PTPRG: variants seen among roughly 807,000 people sequenced by gnomAD.
The protein encoded by PTPRG is protein tyrosine phosphatase receptor type G.
A neutral mutation model predicts 165.3 loss-of-function variants in PTPRG; 102 were observed. That is an observed-to-expected ratio of 0.62 (90% CI 0.53 to 0.73). The LOEUF (loss-of-function observed/expected upper bound fraction) is 0.73, where lower values mean the gene tolerates loss of function less well. PTPRG is among the 30% of genes least tolerant of loss of function. PTPRG has a pLI of 0.00. For missense variants in PTPRG, 1,866 were observed against 1,861.4 expected, an observed-to-expected ratio of 1.00 and a Z score of -0.05; for synonymous variants, 675 against 669.5, an observed-to-expected ratio of 1.01 and a Z score of -0.13.
chr3:62,232,447 T>G (rs938699085), intron 14 of PTPRG, among the ~76,000 whole-genome samples: 2 of 152,220 alleles, frequency 1.3e-5, no homozygotes, highest in African/African-American at 4.8e-5. Context: ...CTGTATAGTT[T>G]TGGAGTCAAA....
At position 62,091,217 on chromosome 3, in the gene PTPRG, G is replaced by A. The variant is rs372601648; in HGVS notation, c.615+12959G>A. 3.3e-5 allele frequency among the ~76,000 whole-genome samples: 5 copies of A among 152,316 alleles called. No homozygotes were observed. The East Asian group carries it at 9.7e-4, about 29-fold the overall frequency. ...ACACATCCTCCTGGCCTACTTGCAT[G>A]TTGTTGGAGGGTGCTTCAGATCTGA... On this transcript the variant is annotated intron_variant, in intron 5 of 29. Transcript: ENST00000474889.
At chr3:61,736,195 A>G (rs1310075189) in intron 1 of PTPRG, among the ~76,000 whole-genome samples, 1 of 149,166 alleles carries the variant, frequency 6.7e-6, no homozygotes, top group African/African-American at 2.5e-5. Context: ...GGTGTGAGCC[A>G]CCGCACCCGG....
At chr3:62,286,177 G>A (rs1702652743) in intron 28 of PTPRG, among the ~76,000 whole-genome samples, 1 of 152,112 alleles carries the variant, frequency 6.6e-6, no homozygotes, top group South Asian at 2.1e-4. Flanking sequence ...TTCTTTAAGT[G>A]ACACAAGGCA....
At chr3:61,613,943 A>G (rs1701242879) in intron 1 of PTPRG, among the ~76,000 whole-genome samples, 1 of 152,176 alleles carries the variant, frequency 6.6e-6, no homozygotes, top group African/African-American at 2.4e-5. Flanking sequence ...TCACCTCCCA[A>G]ATAAATCTTG....
At chr3:61,724,604 A>G (rs955369263) in intron 1 of PTPRG, among the ~76,000 whole-genome samples, 1 of 152,064 alleles carries the variant, frequency 6.6e-6, no homozygotes, top group Non-Finnish European at 1.5e-5. Flanking sequence ...CACTCCCACC[A>G]GCAATGCATA....
At chr3:61,725,111 C>T (rs989964874) in intron 1 of PTPRG, among the ~76,000 whole-genome samples, 1 of 152,058 alleles carries the variant, frequency 6.6e-6, no homozygotes, top group Admixed American at 6.6e-5. Context: ...TCATACTTTA[C>T]ATTTAAATGT....
chr3:61,841,385 A>G (rs1453619207), intron 2 of PTPRG, among the ~76,000 whole-genome samples: 1 of 152,174 alleles, frequency 6.6e-6, no homozygotes, highest in Non-Finnish European at 1.5e-5. Context: ...CAGTGATTTT[A>G]GTTTTGTGAG....
chr3:61,670,445 T>A (rs1281907699), intron 1 of PTPRG, among the ~76,000 whole-genome samples: 1 of 152,256 alleles, frequency 6.6e-6, no homozygotes, highest in Non-Finnish European at 1.5e-5. Flanking sequence ...CATTTTGTGA[T>A]ATTTGTTTAA....
intron 2 of PTPRG, among the ~76,000 whole-genome samples, chr3:61,944,346 C>T (rs1342533473): frequency 6.6e-6 from 1 of 152,088 alleles, no homozygotes; most frequent in Admixed American, 6.5e-5. Flanking sequence ...CAACTGATGC[C>T]CTCCTGTTCT....
At chr3:62,089,046 G>T (rs1489201767) in intron 5 of PTPRG, among the ~76,000 whole-genome samples, 1 of 152,084 alleles carries the variant, frequency 6.6e-6, no homozygotes, top group Admixed American at 6.5e-5. Flanking sequence ...TGTTGTTCAG[G>T]GTTTACACTG....
intron 5 of PTPRG, among the ~76,000 whole-genome samples, chr3:62,109,602 T>A (rs1702595523): frequency 6.6e-6 from 1 of 152,120 alleles, no homozygotes; most frequent in Non-Finnish European, 1.5e-5. Flanking sequence ...GGTGCAGCAG[T>A]GGGTTGTGCC....
At chr3:61,803,879 G>T (rs971978492) in intron 2 of PTPRG, among the ~76,000 whole-genome samples, 13 of 152,090 alleles carry the variant, frequency 8.5e-5, no homozygotes, top group African/African-American at 2.4e-4. Context: ...ACTTGCTCTA[G>T]GACATAGTTG....
chr3:61,697,395 C>A (rs969928745), intron 1 of PTPRG, among the ~76,000 whole-genome samples: 3 of 152,174 alleles, frequency 2.0e-5, no homozygotes, highest in Non-Finnish European at 2.9e-5. Context: ...CCCAGGGTCT[C>A]TCTGGAATTC....
At chr3:61,924,824 G>A (rs2039167093) in intron 2 of PTPRG, among the ~76,000 whole-genome samples, 1 of 152,204 alleles carries the variant, frequency 6.6e-6, no homozygotes. Context: ...GAATGTTTCT[G>A]TTGCTCTGAA....
chr3:61,825,114 G>A (rs898485565), intron 2 of PTPRG, among the ~76,000 whole-genome samples: 4 of 152,282 alleles, frequency 2.6e-5, no homozygotes, highest in Non-Finnish European at 4.4e-5. Flanking sequence ...AAAAGGGTAA[G>A]AATATTCGAG....
At chr3:61,868,299 C>T (rs1162046822) in intron 2 of PTPRG, among the ~76,000 whole-genome samples, 1 of 152,214 alleles carries the variant, frequency 6.6e-6, no homozygotes. Flanking sequence ...TTCATCTCTG[C>T]TTACAATCTT....
intron 1 of PTPRG, among the ~76,000 whole-genome samples, chr3:61,637,574 T>G (rs1036191878): frequency 2.2e-4 from 34 of 152,204 alleles, no homozygotes; most frequent in African/African-American, 7.7e-4. Context: ...CTTCCAAGGC[T>G]TGTTCCCTTC....
chr3:62,108,646 T>C (rs1393097379), intron 5 of PTPRG, among the ~76,000 whole-genome samples: 2 of 152,262 alleles, frequency 1.3e-5, no homozygotes, highest in African/African-American at 2.4e-5. Context: ...GTTGAACTAA[T>C]TTACACTCCC....
chr3:61,736,799 T>A (rs1482278279), intron 1 of PTPRG, among the ~76,000 whole-genome samples: 1 of 152,196 alleles, frequency 6.6e-6, no homozygotes, highest in Non-Finnish European at 1.5e-5. Flanking sequence ...GAGTTGTTTT[T>A]ACAAAGCATA....
Sources: gnomAD v4.1 joint callset for allele counts (sites outside exome capture counted in the v4.1 genomes callset) on GRCh38, gnomAD v4.1.1 for gene constraint, MANE v1.5 for transcripts, NCBI Gene and HGNC (gene_info 2026-07-23, HGNC 2026-07-21) for gene names.